The following KCNB2 variants were observed in gnomAD, a reference collection of about 807,000 sequenced individuals.
KCNB2 encodes the protein delayed rectifier potassium channel protein.
KCNB2 carries 15 observed loss-of-function variants against 61.5 expected under a neutral mutation model. The observed-to-expected ratio is 0.24, with a 90% CI of 0.16 to 0.38. The LOEUF is 0.38. KCNB2 is among the 10% of genes least tolerant of loss of function. The pLI is 1.00. For synonymous variants in KCNB2, 457 were observed against 446.0 expected (o/e 1.02, Z -0.31); for missense variants, 828 against 1,125.2 (o/e 0.74, Z 3.78).
chr8:72,816,531 C>T (rs1809399536), intron 2 of KCNB2, among the ~76,000 whole-genome samples: 1 of 152,188 alleles, frequency 6.6e-6, no homozygotes, highest in Non-Finnish European at 1.5e-5. Context: ...CTCAAGTAGC[C>T]TGGCAGCAGA....
chr8:72,704,572 G>A (rs888281202), intron 2 of KCNB2, among the ~76,000 whole-genome samples: 1 of 151,232 alleles, frequency 6.6e-6, no homozygotes, highest in Non-Finnish European at 1.5e-5. Flanking sequence ...CTAGACAAAG[G>A]GCACAGATAA....
chr8:72,604,589 G>T (rs1032892448), intron 2 of KCNB2, among the ~76,000 whole-genome samples: 19 of 152,158 alleles, frequency 1.2e-4, no homozygotes, highest in Non-Finnish European at 1.8e-4. Context: ...AATAATTAGA[G>T]CTGTATACTC....
chr8:72,625,655 G>T (rs751557105), intron 2 of KCNB2, among the ~76,000 whole-genome samples: 1 of 152,032 alleles, frequency 6.6e-6, no homozygotes, highest in African/African-American at 2.4e-5. Context: ...GGTCTTGAAC[G>T]CTTGGGCTCA....
intron 1 of KCNB2, among the ~76,000 whole-genome samples, chr8:72,540,266 T>G (rs1170879496): frequency 6.6e-6 from 1 of 152,168 alleles, no homozygotes; most frequent in African/African-American, 2.4e-5. Context: ...TCTTAAAGAC[T>G]AATTCCAAAG....
intron 2 of KCNB2, among the ~76,000 whole-genome samples, chr8:72,892,140 A>G (rs1805906479): frequency 6.6e-6 from 1 of 152,186 alleles, no homozygotes; most frequent in Non-Finnish European, 1.5e-5. Flanking sequence ...TTTCTCCCTG[A>G]GCTGTATTAG....
rs574892362 is a variant in KCNB2 at position 72,619,486 on chromosome 8, G to A, written c.579+51173G>A. On this transcript the variant is annotated intron_variant, in intron 2 of 2. Coordinates refer to ENST00000523207, the MANE Select transcript of KCNB2 (RefSeq NM_004770.3). Reference sequence around the variant, plus strand: ...TTCGTAGGTTCACCTCATACTATGGGTATGAGATTTTGAGTATGGGTATGA... The same window carrying A: ...TTCGTAGGTTCACCTCATACTATGGATATGAGATTTTGAGTATGGGTATGA... 3.6e-4 allele frequency: 81 copies of A among 222,820 alleles called. No individual in the cohort carries two copies. In the South Asian group the frequency reaches 5.3e-3, roughly 15 times the overall value. 13.8% of individuals were successfully genotyped at this position (222,820 alleles called of 1,614,324 possible). A position where few individuals can be genotyped will look rare whatever the true frequency, so the allele number is the denominator to read the frequency against.
chr8:72,702,534 C>A (rs973564974), intron 2 of KCNB2, among the ~76,000 whole-genome samples: 15 of 152,166 alleles, frequency 9.9e-5, no homozygotes, highest in African/African-American at 3.6e-4. Flanking sequence ...AGTGGCCATT[C>A]AGAAAGCTTG....
intron 2 of KCNB2, among the ~76,000 whole-genome samples, chr8:72,716,487 G>A (rs1465718042): frequency 6.6e-6 from 1 of 152,212 alleles, no homozygotes; most frequent in Non-Finnish European, 1.5e-5. Flanking sequence ...CTTCATCCCT[G>A]GGATGCATGG....
chr8:72,749,712 A>AATAT lies in KCNB2; in HGVS notation c.579+181409_579+181412dup, dbSNP rs199911621. 1.4e-4 allele frequency among the ~76,000 whole-genome samples: 20 copies of AATAT among 146,184 alleles called. No homozygotes were observed. The South Asian group carries it at 2.1e-3, about 15-fold the overall frequency. ...TAATATTTGGCGTATACAAAAAAGT[A>AATAT]ATATATATATATAATATAATACATA... On this transcript the variant is annotated intron_variant, in intron 2 of 2. Coordinates refer to ENST00000523207, the MANE Select transcript of KCNB2 (RefSeq NM_004770.3).
chr8:72,569,094 A>C (rs1183133934), intron 2 of KCNB2, among the ~76,000 whole-genome samples: 1 of 152,068 alleles, frequency 6.6e-6, no homozygotes, highest in Non-Finnish European at 1.5e-5. Flanking sequence ...CTGTTTGTCT[A>C]ATTTTATCTA....
chr8:72,651,897 C>T (rs1376890566), intron 2 of KCNB2, among the ~76,000 whole-genome samples: 2 of 151,990 alleles, frequency 1.3e-5, no homozygotes, highest in Non-Finnish European at 2.9e-5. Flanking sequence ...CCCTTGAGTC[C>T]ATCCCTCTCC....
intron 1 of KCNB2, among the ~76,000 whole-genome samples, chr8:72,561,721 ATATATATC>A (rs1806522283): frequency 1.7e-4 from 4 of 23,630 alleles, no homozygotes; most frequent in African/African-American, 1.3e-3. Context: ...ATATATATAT[ATATATATC>A]TATATCTATA....
intron 2 of KCNB2, among the ~76,000 whole-genome samples, chr8:72,617,629 C>A (rs997073089): frequency 3.3e-5 from 5 of 151,582 alleles, no homozygotes; most frequent in Non-Finnish European, 7.4e-5. Flanking sequence ...TAGACTATAG[C>A]TCATTTTGAT....
chr8:72,933,582 G>A (rs1012032222), intron 2 of KCNB2, among the ~76,000 whole-genome samples: 3 of 152,230 alleles, frequency 2.0e-5, no homozygotes, highest in South Asian at 2.1e-4. Context: ...GTGACCTCCC[G>A]AAAAAATATC....
chr8:72,832,749 G>A (rs556886890), intron 2 of KCNB2, among the ~76,000 whole-genome samples: 3 of 152,274 alleles, frequency 2.0e-5, no homozygotes, highest in South Asian at 4.1e-4. Flanking sequence ...GTGTTTTCTC[G>A]TGCTATTTCC....
intron 2 of KCNB2, among the ~76,000 whole-genome samples, chr8:72,585,054 T>C (rs1585767017): frequency 6.6e-6 from 1 of 152,116 alleles, no homozygotes; most frequent in African/African-American, 2.4e-5. Context: ...GTCTCTAAGG[T>C]AGGGTGGTCA....
intron 2 of KCNB2, among the ~76,000 whole-genome samples, chr8:72,576,399 C>T (rs1052381070): frequency 6.6e-6 from 1 of 152,056 alleles, no homozygotes; most frequent in African/African-American, 2.4e-5. Context: ...CACTAGCTCT[C>T]GTTATATGTT....
At chr8:72,566,362 T>G (rs1385839818) in intron 1 of KCNB2, among the ~76,000 whole-genome samples, 4 of 152,132 alleles carry the variant, frequency 2.6e-5, no homozygotes, top group African/African-American at 4.8e-5. Context: ...GGTTTTTAGG[T>G]GGACAAAACC....
intron 2 of KCNB2, among the ~76,000 whole-genome samples, chr8:72,831,528 G>A (rs570234971): frequency 1.3e-5 from 2 of 152,350 alleles, no homozygotes; most frequent in Non-Finnish European, 2.9e-5. Flanking sequence ...CTTTGTGGGT[G>A]TGATTCAAAC....
Sources: gnomAD v4.1 joint callset for allele counts (sites outside exome capture counted in the v4.1 genomes callset) on GRCh38, gnomAD v4.1.1 for gene constraint, MANE v1.5 for transcripts, NCBI Gene and HGNC (gene_info 2026-07-23, HGNC 2026-07-21) for gene names.